Variants in PTPRN2 observed in about 807,000 individuals in gnomAD.
The protein encoded by PTPRN2 is protein tyrosine phosphatase receptor type N2.
Under a neutral mutation model 118.8 loss-of-function variants are expected in PTPRN2, and 74 were observed. The ratio of observed to expected loss-of-function variants is 0.62; its 90% CI spans 0.52 to 0.76. The LOEUF (loss-of-function observed/expected upper bound fraction) is 0.76. Among genes scored for constraint, PTPRN2 ranks in the 30% least tolerant of loss-of-function variants. The pLI is 0.00. For missense variants in PTPRN2, 1,481 were observed against 1,394.4 expected (o/e 1.06, Z -0.99); for synonymous variants, 641 against 608.0 (o/e 1.05, Z -0.80).
chr7:158,322,672 A>G (rs1803136697), intron 2 of PTPRN2, among the ~76,000 whole-genome samples: 1 of 136,478 alleles, frequency 7.3e-6, no homozygotes, highest in South Asian at 2.3e-4. Flanking sequence ...GCAGTTCTGG[A>G]TCAGGCAGGA....
intron 11 of PTPRN2, among the ~76,000 whole-genome samples, chr7:157,989,058 A>G (rs4019382): frequency 0.36 from 54,868 of 152,172 alleles, 10,182 homozygotes; most frequent in East Asian, 0.58. Flanking sequence ...CTAAAGGTGC[A>G]GATACCCCCG....
chr7:157,608,205 C>G (rs188576138), intron 15 of PTPRN2, among the ~76,000 whole-genome samples: 29 of 152,260 alleles, frequency 1.9e-4, no homozygotes, highest in Non-Finnish European at 3.8e-4. Flanking sequence ...GTAGCTGGGA[C>G]TACAGGCACG....
At chr7:158,171,216 CACAT>C (rs1449329659) in intron 5 of PTPRN2, among the ~76,000 whole-genome samples, 1 of 134,886 alleles carries the variant, frequency 7.4e-6, no homozygotes, top group Middle Eastern at 3.5e-3. Flanking sequence ...TATATATACA[CACAT>C]ATATACACAC....
intron 3 of PTPRN2, among the ~76,000 whole-genome samples, chr7:158,250,855 C>T (rs1796608269): frequency 6.6e-6 from 1 of 152,170 alleles, no homozygotes; most frequent in African/African-American, 2.4e-5. Context: ...AAAGACAATT[C>T]CAGATGCTTT....
rs567844088 is a variant in PTPRN2, at chr7:158,260,513, T to C, written c.278-55240A>G. ...CTTCAGAAGGCCTAGAAAAAGAGTC[T>C]ATTTGAATAAAGCCCAGAGGGCCTA... On this transcript the variant is annotated intron_variant, in intron 3 of 22. Coordinates refer to ENST00000389418, the MANE Select transcript of PTPRN2 (RefSeq NM_002847.5). 3.3e-5 allele frequency among the ~76,000 whole-genome samples: 5 copies of C among 152,318 alleles called. No individual in the cohort carries two copies. The South Asian group carries it at 1.0e-3, about 32-fold the overall frequency.
chr7:158,061,342 C>G (rs775188982), intron 11 of PTPRN2, among the ~76,000 whole-genome samples: 4 of 152,222 alleles, frequency 2.6e-5, no homozygotes, highest in African/African-American at 4.8e-5. Context: ...CAGGCACAGT[C>G]CCCACGTGCT....
intron 13 of PTPRN2, among the ~76,000 whole-genome samples, chr7:157,667,988 G>T (rs997146206): frequency 1.3e-5 from 2 of 152,198 alleles, no homozygotes; most frequent in Non-Finnish European, 2.9e-5. Flanking sequence ...TGCACCCAGA[G>T]CCCCCACCCT....
At chr7:158,244,754 T>C (rs1338536851) in intron 3 of PTPRN2, among the ~76,000 whole-genome samples, 1 of 151,678 alleles carries the variant, frequency 6.6e-6, no homozygotes, top group Admixed American at 6.6e-5. Context: ...GTTGTGTGGT[T>C]AGCGTCAGAG....
intron 2 of PTPRN2, among the ~76,000 whole-genome samples, chr7:158,327,697 G>T (rs1803763708): frequency 6.6e-6 from 1 of 152,178 alleles, no homozygotes; most frequent in Admixed American, 6.5e-5. Context: ...ATTCTTTCCT[G>T]CCTCCCCTGC....
In PTPRN2 at chr7:157,893,242, C is replaced by A. The variant is rs546800695; in HGVS notation, c.1788+5431G>T. Among the ~76,000 whole-genome samples, 3 of 152,172 alleles carry A rather than the reference C, an allele frequency of 2.0e-5. No individual in the cohort carries two copies. The South Asian group carries it at 6.2e-4, about 32-fold the overall frequency. ...ATTTTCTGTCCCAGGGATGACGGAG[C>A]CTCTGCCCCTGGGAATGGCAAGGTC... On this transcript the variant is annotated intron_variant, in intron 12 of 22. Transcript: ENST00000389418. This position sits in a 1 kb window ranked among gnomAD's most constrained non-coding sequence, Gnocchi z 4.0.
At chr7:158,373,162 T>C (rs1013386385) in intron 2 of PTPRN2, among the ~76,000 whole-genome samples, 14 of 152,246 alleles carry the variant, frequency 9.2e-5, no homozygotes, top group African/African-American at 2.9e-4. Flanking sequence ...CATCGGCATT[T>C]ATAAGACTAA....
intron 11 of PTPRN2, among the ~76,000 whole-genome samples, chr7:157,905,006 G>A (rs570984205): frequency 2.6e-5 from 4 of 152,290 alleles, no homozygotes; most frequent in East Asian, 3.9e-4. Context: ...ATGCTCCGCC[G>A]GATTTCTCTA....
chr7:158,359,605 A>C (rs1024944010), intron 2 of PTPRN2, among the ~76,000 whole-genome samples: 2 of 152,208 alleles, frequency 1.3e-5, no homozygotes, highest in Admixed American at 1.3e-4. Context: ...AAACATAATA[A>C]TAATTCTGTA....
chr7:158,440,638 ATGG>A (rs1816929571), intron 2 of PTPRN2, among the ~76,000 whole-genome samples: 1 of 140,192 alleles, frequency 7.1e-6, no homozygotes, highest in African/African-American at 2.8e-5. Context: ...CGTGGTGATG[ATGG>A]TGGCAGTAGT....
rs57665784 is a variant in PTPRN2 at position 158,213,206 on chromosome 7, T to TTGTGTG, written c.278-7939_278-7934dup. Among the ~76,000 whole-genome samples the TTGTGTG allele has an allele frequency of 4.4e-3, 618 of 140,416 alleles. 4 individuals are homozygous for TTGTGTG. The highest frequency in any genetic ancestry group is 0.013 in the African/African-American group (502 of 37,722). The allele number at this position is 140,416 out of a possible 152,430, so 92.1% of individuals were successfully genotyped here. On this transcript the variant is annotated intron_variant, in intron 3 of 22. Transcript: ENST00000389418. ...TCTTCAAATCAGGATGGCTCTGTGC[T>TTGTGTG]TGTGTGTGTGTGTGTGTGTGTGTGT...
Position 157,903,393 on chromosome 7 carries a change from T to A in PTPRN2, c.1724-4656A>T, listed in dbSNP as rs1307837860. Among the ~76,000 whole-genome samples the A allele has an allele frequency of 6.6e-6, 1 of 151,894 alleles. No individual in the cohort carries two copies. The highest frequency in any genetic ancestry group is 1.5e-5 in the Non-Finnish European group (1 of 67,976). On this transcript the variant is annotated intron_variant, in intron 11 of 22. Coordinates refer to ENST00000389418, the MANE Select transcript of PTPRN2 (RefSeq NM_002847.5). This position sits in a 1 kb window ranked among gnomAD's most constrained non-coding sequence, Gnocchi z 4.2. ...CCTCAGCATCACCAGTATGCCCAGG[T>A]CACAAGTGTACCCCAAACCTCAGCA...
intron 6 of PTPRN2, among the ~76,000 whole-genome samples, chr7:158,158,291 G>C (rs1822019651): frequency 6.6e-6 from 1 of 152,242 alleles, no homozygotes; most frequent in Non-Finnish European, 1.5e-5. Flanking sequence ...TCAAAGCTTT[G>C]GTTCAGTGCC....
intron 13 of PTPRN2, among the ~76,000 whole-genome samples, chr7:157,669,803 C>T (rs547050351): frequency 2.0e-5 from 3 of 152,330 alleles, no homozygotes; most frequent in African/African-American, 7.2e-5. Context: ...GCCCCCATCC[C>T]TGCGGCGCCC....
In PTPRN2 at chr7:158,587,619, T is replaced by TGGC. The variant is rs1829054900; in HGVS notation, c.48_50dup (p.Pro17dup). ...ACGAAGGGGCGGCAGGCAGGACGCG[T>TGGC]GGCGGCAGCAGCAGCAGTAGCAGCA... On this transcript the variant is annotated inframe_insertion, in exon 1 of 23. Coordinates refer to ENST00000389418, the MANE Select transcript of PTPRN2 (RefSeq NM_002847.5). 1.5e-6 allele frequency: 2 copies of TGGC among 1,359,678 alleles called. No homozygotes were observed. The highest frequency in any genetic ancestry group is 3.1e-5 in the East Asian group (1 of 32,392). The allele number at this position is 1,359,678 out of a possible 1,614,324, so 84.2% of individuals were successfully genotyped here.
Sources: gnomAD v4.1 joint callset for allele counts (sites outside exome capture counted in the v4.1 genomes callset) on GRCh38, gnomAD v4.1.1 for gene constraint, Gnocchi (gnomAD v3.1) non-coding constraint, MANE v1.5 for transcripts, NCBI Gene and HGNC (gene_info 2026-07-23, HGNC 2026-07-21) for gene names.